Variants in ZNF385D observed in about 807,000 individuals in gnomAD.
ZNF385D encodes zinc finger protein 385D, also known as zinc finger protein 659.
A neutral mutation model predicts 35.8 loss-of-function variants in ZNF385D; 15 were observed. That is an observed-to-expected ratio of 0.42 (90% CI 0.28 to 0.64). ZNF385D has a LOEUF of 0.64. Among genes scored for constraint, ZNF385D ranks in the 30% least tolerant of loss-of-function variants. The pLI is 0.23. For synonymous variants in ZNF385D, 212 were observed against 186.8 expected, an observed-to-expected ratio of 1.13 and a Z score of -1.10; for missense variants, 474 against 494.6, an observed-to-expected ratio of 0.96 and a Z score of 0.39.
At chr3:21,874,291 A>G (rs1697848274) in intron 3 of ZNF385D, among the ~76,000 whole-genome samples, 1 of 151,990 alleles carries the variant, frequency 6.6e-6, no homozygotes, top group South Asian at 2.1e-4. Context: ...GGCAATTTGT[A>G]TGTCTTCTTT....
intron 4 of ZNF385D, among the ~76,000 whole-genome samples, chr3:21,440,627 T>A (rs948154882): frequency 3.9e-5 from 6 of 152,176 alleles, no homozygotes; most frequent in Non-Finnish European, 1.5e-5. Flanking sequence ...TTGTGATAAA[T>A]GTACAACATT....
chr3:21,413,678 T>C lies in ZNF385D; in HGVS notation c.*7536A>G, dbSNP rs543087526. On this transcript the variant is annotated 3_prime_UTR_variant, in exon 8 of 8. Coordinates refer to ENST00000281523, the MANE Select transcript of ZNF385D (RefSeq NM_024697.3). ...AGAAAAATAGCATGAATATTTTTCCTTTATTTTTTGCAGGGTCACAAGCAT... is the reference window on the plus strand; with the variant it reads ...AGAAAAATAGCATGAATATTTTTCCCTTATTTTTTGCAGGGTCACAAGCAT... 9.7e-4 allele frequency: 147 copies of C among 152,208 alleles called. No homozygotes were observed. The highest frequency in any genetic ancestry group is 3.5e-3 in the African/African-American group (144 of 41,536). 9.4% of individuals were successfully genotyped at this position (152,208 alleles called of 1,614,324 possible).
intron 2 of ZNF385D, among the ~76,000 whole-genome samples, chr3:22,335,845 T>A (rs776803942): frequency 6.6e-6 from 1 of 152,154 alleles, no homozygotes; most frequent in Non-Finnish European, 1.5e-5. Context: ...TTAGGTAGTC[T>A]ATATGTGATA....
intron 2 of ZNF385D, among the ~76,000 whole-genome samples, chr3:22,362,022 A>G (rs1696432419): frequency 6.6e-6 from 1 of 151,374 alleles, no homozygotes; most frequent in Admixed American, 6.6e-5. Flanking sequence ...GTTTGTTATT[A>G]TTAGTTATAA....
chr3:21,687,711 T>C (rs530244476), intron 1 of ZNF385D, among the ~76,000 whole-genome samples: 1 of 152,274 alleles, frequency 6.6e-6, no homozygotes, highest in African/African-American at 2.4e-5. Context: ...CCCTAAAAAT[T>C]CTCTTAATAT....
intron 3 of ZNF385D, among the ~76,000 whole-genome samples, chr3:22,151,267 G>A (rs1705214492): frequency 6.6e-6 from 1 of 152,050 alleles, no homozygotes. Context: ...CACTATGCTG[G>A]CAGCTAAACA....
At chr3:22,266,919 A>G (rs1022154861) in intron 2 of ZNF385D, among the ~76,000 whole-genome samples, 6 of 151,936 alleles carry the variant, frequency 3.9e-5, no homozygotes, top group Non-Finnish European at 5.9e-5. Flanking sequence ...AAACAAAACA[A>G]AACAATCTTT....
At chr3:21,530,646 G>C (rs920653423) in intron 3 of ZNF385D, among the ~76,000 whole-genome samples, 1 of 152,232 alleles carries the variant, frequency 6.6e-6, no homozygotes, top group Admixed American at 6.5e-5. Context: ...GAGACCCTCA[G>C]CATGATCAAA....
At chr3:22,087,233 T>A (rs1701093459) in intron 3 of ZNF385D, among the ~76,000 whole-genome samples, 1 of 152,036 alleles carries the variant, frequency 6.6e-6, no homozygotes, top group Admixed American at 6.6e-5. Context: ...AAACTCTTTT[T>A]TTTTCACTGT....
At chr3:22,307,848 T>C (rs1357018364) in intron 2 of ZNF385D, among the ~76,000 whole-genome samples, 2 of 151,998 alleles carry the variant, frequency 1.3e-5, no homozygotes. Context: ...AAACACTGCA[T>C]ATCTTCAGAG....
intron 4 of ZNF385D, among the ~76,000 whole-genome samples, chr3:21,472,885 T>G (rs1049881534): frequency 6.6e-6 from 1 of 152,140 alleles, no homozygotes. Context: ...TGGTTCTGAG[T>G]GCTACCTGAT....
intron 3 of ZNF385D, among the ~76,000 whole-genome samples, chr3:21,923,087 G>T (rs1289507952): frequency 6.6e-6 from 1 of 152,074 alleles, no homozygotes; most frequent in Non-Finnish European, 1.5e-5. Context: ...ACAACATGCA[G>T]GTTTGTTACA....
At chr3:21,446,733 T>C (rs1702177927) in intron 4 of ZNF385D, among the ~76,000 whole-genome samples, 1 of 151,980 alleles carries the variant, frequency 6.6e-6, no homozygotes. Flanking sequence ...CCTCAGGTGA[T>C]CCGCCCTCCT....
chr3:21,735,751 A>G (rs2069212570), intron 1 of ZNF385D, among the ~76,000 whole-genome samples: 1 of 152,210 alleles, frequency 6.6e-6, no homozygotes, highest in Admixed American at 6.5e-5. Context: ...AAGAGACAGC[A>G]GGTAATTGGA....
At chr3:21,567,097 T>C (rs1575202571) in intron 2 of ZNF385D, among the ~76,000 whole-genome samples, 1 of 146,762 alleles carries the variant, frequency 6.8e-6, no homozygotes, top group East Asian at 1.9e-4. Flanking sequence ...CCATTTGCCA[T>C]TGATGAACAC....
chr3:21,463,252 T>C (rs1434528015), intron 4 of ZNF385D, among the ~76,000 whole-genome samples: 1 of 152,016 alleles, frequency 6.6e-6, no homozygotes, highest in African/African-American at 2.4e-5. Flanking sequence ...AGATACTACA[T>C]TCAATATGAT....
At position 21,822,135 on chromosome 3, in the gene ZNF385D, G is replaced by A. The variant is rs1204444135; in HGVS notation, c.326-157107C>T. ...TGCCCAGGTTGGAGTGCAGTCGTGTGATCTTGGCTCACTGTAAGCTCTGCC... is the reference window on the plus strand; with the variant it reads ...TGCCCAGGTTGGAGTGCAGTCGTGTAATCTTGGCTCACTGTAAGCTCTGCC... On this transcript the variant is annotated intron_variant, in intron 3 of 5. Transcript: ENST00000494108. Among the ~76,000 whole-genome samples the A allele has an allele frequency of 2.0e-5, 3 of 152,000 alleles. No homozygotes were observed. In the East Asian group the frequency reaches 5.8e-4, roughly 29 times the overall value.
chr3:21,708,383 C>A (rs1294160076), intron 1 of ZNF385D, among the ~76,000 whole-genome samples: 3 of 152,152 alleles, frequency 2.0e-5, no homozygotes. Flanking sequence ...CAAGATGGCA[C>A]AGCTCTTAAG....
At chr3:21,486,910 T>C (rs1419514998) in intron 4 of ZNF385D, among the ~76,000 whole-genome samples, 2 of 152,096 alleles carry the variant, frequency 1.3e-5, no homozygotes, top group Non-Finnish European at 2.9e-5. Flanking sequence ...ATGCAAAGCA[T>C]TAGGAAAATA....
Sources: allele counts gnomAD v4.1 joint callset (sites outside exome capture counted in the v4.1 genomes callset), GRCh38; gene constraint gnomAD v4.1.1; transcripts MANE v1.5; gene names NCBI Gene and HGNC (gene_info 2026-07-23, HGNC 2026-07-21).